HS6ST3: variants seen among roughly 807,000 people sequenced by gnomAD.
HS6ST3 encodes heparan-sulfate 6-O-sulfotransferase 3.
In HS6ST3, 12 loss-of-function variants were observed where a neutral mutation model predicts 36.7. That is an observed-to-expected ratio of 0.33 (90% CI 0.21 to 0.53). The LOEUF (loss-of-function observed/expected upper bound fraction) is 0.53, where lower values mean the gene tolerates loss of function less well. Ranked by LOEUF, HS6ST3 falls within the 20% of genes least tolerant of loss-of-function variation. HS6ST3 has a pLI of 0.95. For missense variants in HS6ST3, 584 were observed against 640.9 expected, an observed-to-expected ratio of 0.91 and a Z score of 0.96; for synonymous variants, 240 against 257.5, an observed-to-expected ratio of 0.93 and a Z score of 0.65.
At chr13:96,760,067 A>G (rs1448520966) in intron 1 of HS6ST3, among the ~76,000 whole-genome samples, 1 of 152,070 alleles carries the variant, frequency 6.6e-6, no homozygotes, top group Non-Finnish European at 1.5e-5. Context: ...GTTGTATGAC[A>G]TATCTGCAAT....
chr13:96,244,516 A>G (rs2054575857), intron 1 of HS6ST3, among the ~76,000 whole-genome samples: 1 of 152,190 alleles, frequency 6.6e-6, no homozygotes, highest in South Asian at 2.1e-4. Context: ...TCTGAAAATT[A>G]AGGGAATAGA....
chr13:96,370,113 A>G (rs549132640), intron 1 of HS6ST3, among the ~76,000 whole-genome samples: 5 of 152,176 alleles, frequency 3.3e-5, no homozygotes, highest in Admixed American at 6.5e-5. Context: ...AAAACAAAAG[A>G]GAATAAACAA....
At chr13:96,339,231 A>C (rs980559876) in intron 1 of HS6ST3, among the ~76,000 whole-genome samples, 18 of 152,216 alleles carry the variant, frequency 1.2e-4, no homozygotes, top group African/African-American at 4.1e-4. Context: ...TTAAGAAAAC[A>C]GTATTAAGTT....
intron 1 of HS6ST3, among the ~76,000 whole-genome samples, chr13:96,241,816 G>A (rs1287019318): frequency 7.3e-6 from 1 of 136,820 alleles, no homozygotes; most frequent in Non-Finnish European, 1.5e-5. Context: ...GATGGAGTCT[G>A]GCTCTGTCGC....
intron 1 of HS6ST3, among the ~76,000 whole-genome samples, chr13:96,335,723 C>T (rs1382928585): frequency 6.6e-6 from 1 of 152,186 alleles, no homozygotes; most frequent in Non-Finnish European, 1.5e-5. Context: ...GTGTAGTCCT[C>T]CTCTTTAGAG....
rs147672626 is a variant in HS6ST3, at chr13:96,279,984, G to A, written c.707+188415G>A. 6.6e-3 allele frequency among the ~76,000 whole-genome samples: 1,006 copies of A among 152,208 alleles called. 13 individuals carry two copies. The highest frequency in any genetic ancestry group is 0.023 in the African/African-American group (973 of 41,536). ...TGGCAAGGGACTACAACTCCCTAAA[G>A]CGTTTGAATTTTTGCTCCTGTGGCT... On this transcript the variant is annotated intron_variant, in intron 1 of 1. Transcript: ENST00000376705.
intron 1 of HS6ST3, among the ~76,000 whole-genome samples, chr13:96,232,243 G>C (rs1279151698): frequency 5.3e-5 from 8 of 152,200 alleles, no homozygotes; most frequent in African/African-American, 1.9e-4. Context: ...GGCTATCAGT[G>C]TGGTTGTTAA....
At chr13:96,282,155 G>A (rs895499735) in intron 1 of HS6ST3, among the ~76,000 whole-genome samples, 5 of 152,188 alleles carry the variant, frequency 3.3e-5, no homozygotes, top group Non-Finnish European at 5.9e-5. Flanking sequence ...AAGAGGGTAC[G>A]TCATGAGTCC....
intron 1 of HS6ST3, among the ~76,000 whole-genome samples, chr13:96,691,118 T>A (rs917395578): frequency 6.6e-6 from 1 of 152,052 alleles, no homozygotes; most frequent in African/African-American, 2.4e-5. Flanking sequence ...TCATTTCACA[T>A]CTCAGCAAAA....
rs535128382 is a variant in HS6ST3, at chr13:96,669,584, G to A, written c.708-162906G>A. On this transcript the variant is annotated intron_variant, in intron 1 of 1. Transcript: ENST00000376705. ...TAATTTCTAAAGAGTTGGTAACCAG[G>A]GCATATGCATGGTTTGGTGGTTCTT... is the stretch of plus-strand genomic sequence containing the variant. Among the ~76,000 whole-genome samples the A allele has an allele frequency of 5.3e-5, 8 of 152,164 alleles. No individual in the cohort carries two copies. In the East Asian group the frequency reaches 9.7e-4, roughly 18 times the overall value.
intron 1 of HS6ST3, among the ~76,000 whole-genome samples, chr13:96,716,201 T>C (rs888728463): frequency 1.3e-5 from 2 of 152,134 alleles, no homozygotes; most frequent in African/African-American, 4.8e-5. Flanking sequence ...TTTTCAGATG[T>C]CCCATAATAT....
chr13:96,469,173 C>T (rs549663655), intron 1 of HS6ST3, among the ~76,000 whole-genome samples: 2 of 152,162 alleles, frequency 1.3e-5, no homozygotes, highest in African/African-American at 4.8e-5. Flanking sequence ...GTCTTCAATT[C>T]CCATGCATGT....
At chr13:96,484,430 T>C (rs939088963) in intron 1 of HS6ST3, among the ~76,000 whole-genome samples, 3 of 152,156 alleles carry the variant, frequency 2.0e-5, no homozygotes, top group African/African-American at 7.2e-5. Context: ...CTATATTCAC[T>C]ATGCAGTACA....
intron 1 of HS6ST3, among the ~76,000 whole-genome samples, chr13:96,259,741 C>G (rs1033509753): frequency 4.6e-5 from 7 of 152,080 alleles, no homozygotes; most frequent in Admixed American, 4.6e-4. Context: ...ATTTTTCTAT[C>G]CATTTTACCT....
chr13:96,392,837 G>A (rs2055402606), intron 1 of HS6ST3, among the ~76,000 whole-genome samples: 1 of 152,166 alleles, frequency 6.6e-6, no homozygotes, highest in Admixed American at 6.5e-5. Flanking sequence ...GGGAGCTGTG[G>A]CAGACTATTC....
intron 1 of HS6ST3, among the ~76,000 whole-genome samples, chr13:96,581,821 G>GA (rs1202055437): frequency 3.9e-5 from 6 of 151,988 alleles, no homozygotes; most frequent in Non-Finnish European, 7.4e-5. Flanking sequence ...GGGGAGCAGG[G>GA]AAAAAAAGGA....
chr13:96,120,518 A>T (rs1318933144), intron 1 of HS6ST3, among the ~76,000 whole-genome samples: 1 of 152,162 alleles, frequency 6.6e-6, no homozygotes, highest in Non-Finnish European at 1.5e-5. Flanking sequence ...ATATTCCTTC[A>T]ATTTATTTCC....
At chr13:96,190,522 T>C (rs1056181566) in intron 1 of HS6ST3, among the ~76,000 whole-genome samples, 1 of 152,204 alleles carries the variant, frequency 6.6e-6, no homozygotes, top group Non-Finnish European at 1.5e-5. Context: ...ATTCATTCAT[T>C]CATTCATTCA....
chr13:96,131,256 A>G (rs1594687771), intron 1 of HS6ST3, among the ~76,000 whole-genome samples: 1 of 152,222 alleles, frequency 6.6e-6, no homozygotes, highest in African/African-American at 2.4e-5. Context: ...TTACTTTACT[A>G]AAGAAACTCT....
Sources: gnomAD v4.1 joint callset for allele counts (sites outside exome capture counted in the v4.1 genomes callset) on GRCh38, gnomAD v4.1.1 for gene constraint, MANE v1.5 for transcripts, NCBI Gene and HGNC (gene_info 2026-07-23, HGNC 2026-07-21) for gene names.